The following APLF variants were observed in gnomAD, a reference collection of about 807,000 sequenced individuals.
APLF encodes aprataxin and PNK-like factor.
In APLF, 61 loss-of-function variants were observed where a neutral mutation model predicts 55.6. The observed-to-expected ratio is 1.10, with a 90% CI of 0.89 to 1.36. The LOEUF (loss-of-function observed/expected upper bound fraction) is 1.36, where lower values mean the gene tolerates loss of function less well. Ranked by LOEUF, APLF falls within the 40% of genes most tolerant of loss-of-function variation. The pLI, the probability that APLF is intolerant of heterozygous loss-of-function variation, is 0.00. For synonymous variants in APLF, 207 were observed against 214.8 expected (o/e 0.96, Z 0.32); for missense variants, 611 against 602.5 (o/e 1.01, Z -0.15).
chr2:68,579,535 C>A lies in APLF; in HGVS notation c.*1513C>A. 2.5e-6 allele frequency: 1 copy of A among 395,120 alleles called. No individual in the cohort carries two copies. Among genetic ancestry groups the A allele is most frequent in the Non-Finnish European group, 3.4e-6 (1 of 291,460 alleles). 24.5% of individuals were successfully genotyped at this position (395,120 alleles called of 1,614,324 possible). ...TCTTAACAGCCAAAAAGTATAAACA[C>A]CCAAAGTCTATCAACTATCAACTGG... On this transcript the variant is annotated 3_prime_UTR_variant, in exon 10 of 10. Transcript: ENST00000303795.
chr2:68,525,988 C>CT lies in APLF; in HGVS notation c.623-66dup, dbSNP rs1233246391. 4.3e-6 allele frequency: 6 copies of CT among 1,409,240 alleles called. No homozygotes were observed. The Admixed American group carries it at 1.0e-4, about 24-fold the overall frequency. 87.3% of individuals were successfully genotyped at this position (1,409,240 alleles called of 1,614,324 possible). A position where few individuals can be genotyped will look rare whatever the true frequency, so the allele number is the denominator to read the frequency against. The stretch of plus-strand genomic sequence containing the variant: ...TGGTCTCGAATCCTTTTTCTTTTTT[C>CT]TTTTTTTGATATGGATTATTGACAT... On this transcript the variant is annotated intron_variant, in intron 5 of 9. Transcript: ENST00000303795.
intron 3 of APLF, among the ~76,000 whole-genome samples, chr2:68,508,966 G>A (rs373344944): frequency 0.025 from 3,833 of 152,034 alleles, 62 homozygotes; most frequent in South Asian, 0.042. Context: ...AACAAGAAAT[G>A]GGGAAAGGAT....
chr2:68,542,058 A>G (rs994134347), intron 7 of APLF, among the ~76,000 whole-genome samples: 4 of 152,226 alleles, frequency 2.6e-5, no homozygotes, highest in Non-Finnish European at 5.9e-5. Flanking sequence ...ATTTTTTTCA[A>G]TAAAGAGTGC....
chr2:68,516,701 T>C (rs1669589693), intron 5 of APLF, among the ~76,000 whole-genome samples: 1 of 150,012 alleles, frequency 6.7e-6, no homozygotes, highest in African/African-American at 2.4e-5. Context: ...GGTTTTTCAT[T>C]CCTGAGTTAC....
In APLF at chr2:68,540,479, A is replaced by G. The variant is rs141250842; in HGVS notation, c.1160+2252A>G. Among the ~76,000 whole-genome samples the G allele has an allele frequency of 7.5e-3, 1,148 of 152,276 alleles. 5 individuals are homozygous for G. The highest frequency in any genetic ancestry group is 0.012 in the Non-Finnish European group (788 of 68,018). On this transcript the variant is annotated intron_variant, in intron 7 of 9. Coordinates refer to ENST00000303795, the MANE Select transcript of APLF (RefSeq NM_173545.3). Reference sequence around the variant, plus strand: ...AGTGCTGCCATAAACATACATTAGCATGTATCTTTATGGTAGAATGATTTA... The same window carrying G: ...AGTGCTGCCATAAACATACATTAGCGTGTATCTTTATGGTAGAATGATTTA...
chr2:68,565,567 AGTT>A (rs752207679), intron 8 of APLF, among the ~76,000 whole-genome samples: 11 of 152,116 alleles, frequency 7.2e-5, no homozygotes, highest in Admixed American at 3.9e-4. Context: ...AGATAAAAGA[AGTT>A]AATATTTGGA....
chr2:68,573,466 A>C (rs1034593808), intron 9 of APLF, among the ~76,000 whole-genome samples: 1 of 152,150 alleles, frequency 6.6e-6, no homozygotes, highest in Non-Finnish European at 1.5e-5. Context: ...TGAGGTCAGG[A>C]GTTCAAGACC....
At chr2:68,496,567 C>T (rs1004869750) in intron 2 of APLF, among the ~76,000 whole-genome samples, 1 of 152,224 alleles carries the variant, frequency 6.6e-6, no homozygotes, top group Non-Finnish European at 1.5e-5. Flanking sequence ...TGTGTTGCAA[C>T]TTTAAGTCAT....
intron 8 of APLF, 30 bp downstream of exon 8, chr2:68,545,342 C>G: frequency 6.3e-7 from 1 of 1,590,788 alleles, no homozygotes; most frequent in South Asian, 1.2e-5. Context: ...GGCTGCACTC[C>G]TTTTCTTTCT....
intron 1 of APLF, among the ~76,000 whole-genome samples, chr2:68,475,162 A>T (rs1043429131): frequency 6.6e-6 from 1 of 152,168 alleles, no homozygotes; most frequent in African/African-American, 2.4e-5. Context: ...CTTTAAACCC[A>T]CTTTTGTCTT....
rs1675983297 is a variant in APLF at position 68,482,257 on chromosome 2, C to T, written c.97-7933C>T. ...TAGCTTTCACAGGGAAAGACCTATT[C>T]CTTTAGATGGGTCTTATGGTGTCTG... On this transcript the variant is annotated intron_variant, in intron 1 of 9. Coordinates refer to ENST00000303795, the MANE Select transcript of APLF (RefSeq NM_173545.3). Among the ~76,000 whole-genome samples, 5 of 151,944 alleles carry T rather than the reference C, an allele frequency of 3.3e-5. No homozygotes were observed. In the South Asian group the frequency reaches 8.3e-4, roughly 25 times the overall value.
intron 2 of APLF, among the ~76,000 whole-genome samples, chr2:68,493,121 A>G (rs1463257506): frequency 2.0e-5 from 3 of 152,202 alleles, no homozygotes; most frequent in African/African-American, 7.2e-5. Context: ...TTTTCTTTAA[A>G]AAAATTTCTT....
intron 1 of APLF, among the ~76,000 whole-genome samples, chr2:68,468,478 C>T (rs564833779): frequency 6.6e-6 from 1 of 152,160 alleles, no homozygotes; most frequent in South Asian, 2.1e-4. Flanking sequence ...AAGACCGTAT[C>T]AGTTAGCTAT....
At position 68,534,283 on chromosome 2, in the gene APLF, A is replaced by G. The variant is rs138820428; in HGVS notation, c.805-3589A>G. Among the ~76,000 whole-genome samples the G allele has an allele frequency of 1.1e-4, 16 of 152,348 alleles. No individual in the cohort carries two copies. The East Asian group carries it at 2.9e-3, about 28-fold the overall frequency. On this transcript the variant is annotated intron_variant, in intron 6 of 9. Transcript: ENST00000303795. ...CATTGAGAAAGAAATGTCTGGCTAT[A>G]TGAGTTTGAAGCTCAGGAGTGAAGT...
intron 5 of APLF, among the ~76,000 whole-genome samples, chr2:68,518,927 T>C (rs1669783629): frequency 8.0e-6 from 1 of 124,532 alleles, no homozygotes; most frequent in South Asian, 2.3e-4. Context: ...AATATATCAT[T>C]AATATTAATA....
At chr2:68,506,159 C>G (rs745337884) in intron 3 of APLF, among the ~76,000 whole-genome samples, 2 of 151,768 alleles carry the variant, frequency 1.3e-5, no homozygotes, top group Admixed American at 1.3e-4. Context: ...CTGCCATTAG[C>G]TAGGTCCTGT....
chr2:68,486,733 G>A (rs1485153191), intron 1 of APLF, among the ~76,000 whole-genome samples: 1 of 152,124 alleles, frequency 6.6e-6, no homozygotes, highest in African/African-American at 2.4e-5. Flanking sequence ...TTTGAAGAAT[G>A]TGTGTTGTGA....
chr2:68,563,167 CCTGT>C (rs1202505124), intron 8 of APLF: 1 of 985,076 alleles, frequency 1.0e-6, no homozygotes, highest in African/African-American at 1.7e-5. Context: ...CAGTATTTTA[CCTGT>C]CTTTTTATGA....
intron 3 of APLF, among the ~76,000 whole-genome samples, chr2:68,510,788 G>C (rs1677025372): frequency 6.6e-6 from 1 of 151,806 alleles, no homozygotes; most frequent in African/African-American, 2.4e-5. Flanking sequence ...TCCAGCAACT[G>C]TTGAATAGAT....
Sources: allele counts gnomAD v4.1 joint callset (sites outside exome capture counted in the v4.1 genomes callset), GRCh38; gene constraint gnomAD v4.1.1; transcripts MANE v1.5; gene names NCBI Gene and HGNC (gene_info 2026-07-23, HGNC 2026-07-21).